PDE1A: variants seen among roughly 807,000 people sequenced by gnomAD.
The protein encoded by PDE1A is dual specificity calcium/calmodulin-dependent 3',5'-cyclic nucleotide phosphodiesterase 1A.
A neutral mutation model predicts 61.7 loss-of-function variants in PDE1A; 35 were observed. That is an observed-to-expected ratio of 0.57 (90% CI 0.43 to 0.75). PDE1A has a LOEUF of 0.75. Ranked by LOEUF, PDE1A falls within the 30% of genes least tolerant of loss-of-function variation. The pLI is 0.00. For synonymous variants in PDE1A, 232 were observed against 213.2 expected (o/e 1.09, Z -0.77); for missense variants, 597 against 630.6 (o/e 0.95, Z 0.57).
At chr2:182,212,873 T>C (rs1484642578) in intron 7 of PDE1A, among the ~76,000 whole-genome samples, 29 of 151,946 alleles carry the variant, frequency 1.9e-4, no homozygotes, top group Admixed American at 1.8e-3. Flanking sequence ...CTTGATTAGG[T>C]AAACAAAGCA....
At chr2:182,657,845 G>A in the PDE1A span, among the ~76,000 whole-genome samples, 1 of 152,064 alleles carries the variant, frequency 6.6e-6, no homozygotes. Context: ...GAGATCATCA[G>A]CAATAATGTG....
the PDE1A span, among the ~76,000 whole-genome samples, chr2:182,556,696 A>C: frequency 6.6e-6 from 1 of 152,212 alleles, no homozygotes; most frequent in East Asian, 1.9e-4. Flanking sequence ...CCCTAATTTT[A>C]TTTCTTAAAA....
At chr2:182,307,077 A>T (rs1695637817) in intron 1 of PDE1A, among the ~76,000 whole-genome samples, 1 of 152,206 alleles carries the variant, frequency 6.6e-6, no homozygotes, top group African/African-American at 2.4e-5. Context: ...GTATAATATA[A>T]AAGGAAATTA....
At chr2:182,342,343 G>A (rs563393587) in intron 1 of PDE1A, among the ~76,000 whole-genome samples, 7 of 152,068 alleles carry the variant, frequency 4.6e-5, no homozygotes, top group Non-Finnish European at 8.8e-5. Flanking sequence ...TGTCATGAAG[G>A]TTTGTTGTAA....
chr2:182,415,206 T>C (rs924166442), intron 1 of PDE1A, among the ~76,000 whole-genome samples: 1 of 152,154 alleles, frequency 6.6e-6, no homozygotes, highest in African/African-American at 2.4e-5. Context: ...GGGCTTTGTG[T>C]TGTTTGCCTA....
the PDE1A span, among the ~76,000 whole-genome samples, chr2:182,628,945 C>A: frequency 2.0e-5 from 3 of 152,054 alleles, no homozygotes; most frequent in Non-Finnish European, 4.4e-5. Flanking sequence ...GATTGTATTT[C>A]ATTTCGTAAG....
At chr2:182,440,082 T>C (rs1415094749) in intron 2 of PDE1A, among the ~76,000 whole-genome samples, 1 of 152,106 alleles carries the variant, frequency 6.6e-6, no homozygotes, top group Non-Finnish European at 1.5e-5. Flanking sequence ...TCCCAGAGCA[T>C]ATAATTTAAG....
chr2:182,518,476 C>T (rs2125983598), intron 2 of PDE1A, among the ~76,000 whole-genome samples: 1 of 152,266 alleles, frequency 6.6e-6, no homozygotes, highest in Non-Finnish European at 1.5e-5. Flanking sequence ...CGAAGCTTAA[C>T]TTAATGTCTT....
intron 13 of PDE1A, among the ~76,000 whole-genome samples, chr2:182,183,191 C>A (rs1489814135): frequency 6.6e-6 from 1 of 152,234 alleles, no homozygotes. Context: ...AGGAATACTT[C>A]CTGCTATAGT....
At chr2:182,486,467 T>G (rs1355837444) in intron 2 of PDE1A, among the ~76,000 whole-genome samples, 3 of 151,974 alleles carry the variant, frequency 2.0e-5, no homozygotes, top group African/African-American at 7.2e-5. Flanking sequence ...TGAGAGGGAA[T>G]TATAAAGGAT....
intron 1 of PDE1A, among the ~76,000 whole-genome samples, chr2:182,341,445 T>C (rs1038154863): frequency 6.6e-6 from 1 of 152,186 alleles, no homozygotes; most frequent in Admixed American, 6.5e-5. Flanking sequence ...GATATCCCCA[T>C]TGTTAATCGT....
intron 1 of PDE1A, among the ~76,000 whole-genome samples, chr2:182,380,773 T>C (rs978106567): frequency 2.0e-5 from 3 of 152,226 alleles, no homozygotes; most frequent in African/African-American, 7.2e-5. Context: ...TTATTAGGCA[T>C]GGATAGTGCC....
chr2:182,507,545 G>C (rs1452636116), intron 2 of PDE1A, among the ~76,000 whole-genome samples: 1 of 152,160 alleles, frequency 6.6e-6, no homozygotes, highest in East Asian at 1.9e-4. Context: ...CTAAGCCTTT[G>C]ATTGTGTCAC....
At chr2:182,675,733 T>A in the PDE1A span, among the ~76,000 whole-genome samples, 5 of 152,194 alleles carry the variant, frequency 3.3e-5, no homozygotes, top group African/African-American at 9.7e-5. Flanking sequence ...TTTCATATAC[T>A]TGTTGATCAC....
chr2:182,572,165 T>A, the PDE1A span, among the ~76,000 whole-genome samples: 2 of 152,154 alleles, frequency 1.3e-5, no homozygotes, highest in African/African-American at 4.8e-5. Context: ...AGAATGGAAG[T>A]CGGGAGAATG....
At position 182,266,727 on chromosome 2, in the gene PDE1A, C is replaced by A. The variant is rs565052487; in HGVS notation, c.54-2313G>T. On this transcript the variant is annotated intron_variant, in intron 1 of 13. Transcript: ENST00000351439. ...TTTCAGAACAGTTCTTTGGAGAGAG[C>A]TAACTGTACCGGAAGGAGTTCTCTT... Among the ~76,000 whole-genome samples the A allele has an allele frequency of 1.4e-3, 217 of 152,228 alleles. 1 individual carries two copies. The highest frequency in any genetic ancestry group is 5.1e-3 in the African/African-American group (210 of 41,564).
At chr2:182,162,626 T>A (rs972356148) in intron 13 of PDE1A, among the ~76,000 whole-genome samples, 1 of 152,132 alleles carries the variant, frequency 6.6e-6, no homozygotes, top group East Asian at 1.9e-4. Flanking sequence ...CTTTCTCTTA[T>A]ACTTCCCCAA....
At chr2:182,312,132 TA>T (rs1327911629) in intron 1 of PDE1A, among the ~76,000 whole-genome samples, 1 of 152,162 alleles carries the variant, frequency 6.6e-6, no homozygotes, top group Non-Finnish European at 1.5e-5. Context: ...TTAGTTGAAT[TA>T]TTTTTATTAT....
At chr2:182,666,547 G>T in the PDE1A span, among the ~76,000 whole-genome samples, 4 of 151,738 alleles carry the variant, frequency 2.6e-5, no homozygotes, top group South Asian at 4.2e-4. Context: ...GGCAGAGGTT[G>T]CAGTGAGCTG....
Sources: gnomAD v4.1 joint callset for allele counts (sites outside exome capture counted in the v4.1 genomes callset) on GRCh38, gnomAD v4.1.1 for gene constraint, MANE v1.5 for transcripts, NCBI Gene and HGNC (gene_info 2026-07-23, HGNC 2026-07-21) for gene names.